HMMR: variants seen among roughly 807,000 people sequenced by gnomAD.
HMMR encodes hyaluronan mediated motility receptor.
In HMMR, 108 loss-of-function variants were observed where a neutral mutation model predicts 101.0. The ratio of observed to expected loss-of-function variants is 1.07; its 90% CI spans 0.92 to 1.25. The LOEUF (loss-of-function observed/expected upper bound fraction) is 1.25. Ranked by LOEUF, HMMR falls within the 50% of genes most tolerant of loss-of-function variation. The probability of loss-of-function intolerance (pLI) is 0.00; values close to 1 mark genes in which losing one functional copy is unlikely to be tolerated. For missense variants in HMMR, 813 were observed against 788.7 expected, an observed-to-expected ratio of 1.03 and a Z score of -0.37; for synonymous variants, 296 against 276.4, an observed-to-expected ratio of 1.07 and a Z score of -0.70.
chr5:163,474,601 C>G lies in HMMR; in HGVS notation c.1053+396C>G, dbSNP rs1383708291. On this transcript the variant is annotated intron_variant, in intron 10 of 17. Coordinates refer to ENST00000393915, the MANE Select transcript of HMMR (RefSeq NM_001142556.2). ...CATATCAGTGAGAAGAAAGAAAGTC[C>G]ACTGAAAAATTATGGGCATAGGATG... is the stretch of plus-strand genomic sequence containing the variant. 2 of 455,268 alleles carry G rather than the reference C, an allele frequency of 4.4e-6. 1 individual carries two copies. Among genetic ancestry groups the G allele is most frequent in the South Asian group, 3.1e-5 (2 of 64,352 alleles). The allele number at this position is 455,268 out of a possible 1,614,324, so 28.2% of individuals were successfully genotyped here. A position where few individuals can be genotyped will look rare whatever the true frequency, so the allele number is the denominator to read the frequency against.
intron 3 of HMMR, among the ~76,000 whole-genome samples, chr5:163,465,817 TG>T (rs1758685964): frequency 6.6e-6 from 1 of 151,902 alleles, no homozygotes; most frequent in South Asian, 2.1e-4. Context: ...AAAAATGTGC[TG>T]GACGTGGTGG....
intron 16 of HMMR, 33 bp downstream of exon 16, chr5:163,484,278 T>TA (rs1264521378): frequency 8.6e-7 from 1 of 1,166,242 alleles, no homozygotes; most frequent in Non-Finnish European, 1.2e-6. Context: ...TTATTAAAGA[T>TA]ATTGGAGTGG....
chr5:163,484,002 G>T, intron 15 of HMMR, 67 bp from the exon 16 acceptor site: 1 of 892,274 alleles, frequency 1.1e-6, no homozygotes, highest in Non-Finnish European at 1.8e-6. Flanking sequence ...TAGTGTTTAT[G>T]GTTTATATGA....
At chr5:163,467,576 G>T in intron 3 of HMMR, 125 bp from the exon 4 acceptor site, 1 of 563,122 alleles carries the variant, frequency 1.8e-6, no homozygotes, top group Non-Finnish European at 3.3e-6. Context: ...GTTTAACAGT[G>T]TAATGTTTAA....
chr5:163,483,620 A>G lies in HMMR; in HGVS notation c.1785+253A>G, dbSNP rs1157614809. 2.0e-5 allele frequency among the ~76,000 whole-genome samples: 3 copies of G among 152,190 alleles called. No individual in the cohort carries two copies. In the South Asian group the frequency reaches 6.2e-4, roughly 31 times the overall value. ...TGGACCCTTTGTGGTTTAAAAAAAA[A>G]CTTTGTAATGTGGAACTTAAAAGTT... On this transcript the variant is annotated intron_variant, in intron 15 of 17. Transcript: ENST00000393915.
intron 11 of HMMR, among the ~76,000 whole-genome samples, chr5:163,476,192 C>T (rs1759065007): frequency 6.6e-6 from 1 of 151,892 alleles, no homozygotes; most frequent in Non-Finnish European, 1.5e-5. Flanking sequence ...TGGTGTGTGC[C>T]TGTAGTCCCA....
intron 16 of HMMR, among the ~76,000 whole-genome samples, chr5:163,489,772 GA>G (rs2113527552): frequency 6.6e-6 from 1 of 152,290 alleles, no homozygotes; most frequent in East Asian, 1.9e-4. Flanking sequence ...CAGCCACAGG[GA>G]GCTGGGGACA....
intron 12 of HMMR, 115 bp downstream of exon 12, chr5:163,478,915 T>A: frequency 1.7e-6 from 1 of 600,826 alleles, no homozygotes. Context: ...CTAGTTTAAA[T>A]TCCATAATCA....
chr5:163,483,969 T>A (rs1759374349), intron 15 of HMMR, 100 bp from the exon 16 acceptor site: 1 of 649,948 alleles, frequency 1.5e-6, no homozygotes, highest in Non-Finnish European at 2.7e-6. Context: ...TACCTTGTTT[T>A]CATTTGTGTT....
Position 163,461,075 on chromosome 5 carries a change from C to G in HMMR, c.46+337C>G, listed in dbSNP as rs530157382. Among the ~76,000 whole-genome samples the G allele has an allele frequency of 3.3e-5, 5 of 152,252 alleles. No individual in the cohort carries two copies. In the South Asian group the frequency reaches 1.0e-3, roughly 32 times the overall value. The stretch of plus-strand genomic sequence containing the variant: ...ACTTGATTTTCAAGTCCGAGAGGGC[C>G]TCACTGATAAGAACACTGGAGTATT... On this transcript the variant is annotated intron_variant, in intron 1 of 17. Transcript: ENST00000393915.
intron 2 of HMMR, among the ~76,000 whole-genome samples, chr5:163,464,311 A>C (rs1031554330): frequency 6.6e-6 from 1 of 152,218 alleles, no homozygotes; most frequent in African/African-American, 2.4e-5. Flanking sequence ...TTGTTTCATC[A>C]AAAGTTGTAA....
intron 15 of HMMR, among the ~76,000 whole-genome samples, chr5:163,483,678 G>C (rs1581200602): frequency 1.3e-5 from 2 of 152,166 alleles, no homozygotes; most frequent in South Asian, 4.1e-4. Context: ...ATGAGCTTTT[G>C]ATAATTAACC....
chr5:163,473,713 T>C (rs1431869179), intron 9 of HMMR, among the ~76,000 whole-genome samples, 156 bp downstream of exon 9: 1 of 152,076 alleles, frequency 6.6e-6, no homozygotes, highest in Non-Finnish European at 1.5e-5. Context: ...CAAAAACCTG[T>C]ACTGCATTTT....
intron 4 of HMMR, among the ~76,000 whole-genome samples, chr5:163,468,801 T>TC (rs35899906): frequency 6.6e-5 from 10 of 151,892 alleles, no homozygotes; most frequent in Non-Finnish European, 1.5e-4. Flanking sequence ...GGTGGCAGGT[T>TC]CCCCCCCATT....
At position 163,485,929 on chromosome 5, in the gene HMMR, T is replaced by A. The variant is rs553121501; in HGVS notation, c.1962+1684T>A. Among the ~76,000 whole-genome samples, 11 of 152,340 alleles carry A rather than the reference T, an allele frequency of 7.2e-5. No individual in the cohort carries two copies. In the East Asian group the frequency reaches 2.1e-3, roughly 29 times the overall value. ...TATTCTTGCCTCCAGTTAATGGAGT[T>A]AGCATCCAATTAAAAAATCATTTAG... On this transcript the variant is annotated intron_variant, in intron 16 of 17. Transcript: ENST00000393915.
intron 16 of HMMR, among the ~76,000 whole-genome samples, chr5:163,488,744 T>G (rs1358540792): frequency 6.6e-6 from 1 of 152,234 alleles, no homozygotes; most frequent in African/African-American, 2.4e-5. Flanking sequence ...CAACAGTGCC[T>G]TAGGGCATAA....
intron 16 of HMMR, among the ~76,000 whole-genome samples, chr5:163,484,707 A>G (rs1759412371): frequency 6.6e-6 from 1 of 152,174 alleles, no homozygotes; most frequent in Non-Finnish European, 1.5e-5. Context: ...CAATTTTAGG[A>G]CATTTTCATC....
chr5:163,477,702 T>G, intron 11 of HMMR, among the ~76,000 whole-genome samples: 1 of 152,164 alleles, frequency 6.6e-6, no homozygotes, highest in South Asian at 2.1e-4. Context: ...AGCTGGTTGA[T>G]TCTGAGCAAA....
chr5:163,476,404 G>A (rs1461208229), intron 11 of HMMR, among the ~76,000 whole-genome samples: 2 of 152,138 alleles, frequency 1.3e-5, no homozygotes, highest in African/African-American at 2.4e-5. Flanking sequence ...TTTTGTCTAT[G>A]CACTTACATA....
Sources: gnomAD v4.1 joint callset for allele counts (sites outside exome capture counted in the v4.1 genomes callset) on GRCh38, gnomAD v4.1.1 for gene constraint, MANE v1.5 for transcripts, NCBI Gene and HGNC (gene_info 2026-07-23, HGNC 2026-07-21) for gene names.